FRMD4B: variants seen among roughly 807,000 people sequenced by gnomAD.
FRMD4B encodes the protein FERM domain-containing protein 4B.
A neutral mutation model predicts 141.5 loss-of-function variants in FRMD4B; 74 were observed. The ratio of observed to expected loss-of-function variants is 0.52; its 90% CI spans 0.43 to 0.63. The LOEUF (loss-of-function observed/expected upper bound fraction) is 0.63. Among genes scored for constraint, FRMD4B ranks in the 30% least tolerant of loss-of-function variants. The pLI is 0.00. For synonymous variants in FRMD4B, 506 were observed against 467.9 expected (o/e 1.08, Z -1.05); for missense variants, 1,366 against 1,253.4 (o/e 1.09, Z -1.36).
chr3:69,232,726 C>G (rs2093318165), intron 7 of FRMD4B, among the ~76,000 whole-genome samples: 1 of 152,096 alleles, frequency 6.6e-6, no homozygotes, highest in African/African-American at 2.4e-5. Context: ...AACAATCAGC[C>G]ACCTGCTATC....
intron 7 of FRMD4B, among the ~76,000 whole-genome samples, chr3:69,241,439 A>T (rs549638714): frequency 1.3e-5 from 2 of 152,226 alleles, no homozygotes; most frequent in Non-Finnish European, 2.9e-5. Flanking sequence ...CAAGTATTGT[A>T]GAGAGGAAAA....
chr3:69,462,910 T>C (rs531020427), intron 1 of FRMD4B, among the ~76,000 whole-genome samples: 2 of 152,342 alleles, frequency 1.3e-5, no homozygotes, highest in South Asian at 4.1e-4. Flanking sequence ...GACCATGTAG[T>C]CAGCTTGTCA....
intron 1 of FRMD4B, among the ~76,000 whole-genome samples, chr3:69,452,459 T>A (rs1172236775): frequency 1.3e-5 from 2 of 152,376 alleles, no homozygotes; most frequent in East Asian, 3.9e-4. Flanking sequence ...TCCTTATCTG[T>A]GAAACAAAGC....
chr3:69,478,141 C>T (rs899403604), intron 1 of FRMD4B, among the ~76,000 whole-genome samples: 48 of 152,058 alleles, frequency 3.2e-4, no homozygotes, highest in African/African-American at 7.2e-5. Flanking sequence ...TCTGTTGATC[C>T]TTTCAAAAAA....
Position 69,196,636 on chromosome 3 carries a change from T to C in FRMD4B, c.1093-240A>G, listed in dbSNP as rs59943287. 7.4e-3 allele frequency: 4,279 copies of C among 577,512 alleles called. 133 individuals are homozygous for C. Among genetic ancestry groups the C allele is most frequent in the African/African-American group, 0.066 (3,480 of 52,578 alleles). 35.8% of individuals were successfully genotyped at this position (577,512 alleles called of 1,614,324 possible). A position where few individuals can be genotyped will look rare whatever the true frequency, so the allele number is the denominator to read the frequency against. On this transcript the variant is annotated intron_variant, in intron 13 of 22. Transcript: ENST00000398540. ...TGGTTCAGTTACTAACTTTGAAGTG[T>C]CACCGGCAACATCACCGCCAGCAGT...
intron 1 of FRMD4B, among the ~76,000 whole-genome samples, chr3:69,457,178 C>T (rs1705632660): frequency 6.6e-6 from 1 of 152,106 alleles, no homozygotes; most frequent in Admixed American, 6.6e-5. Context: ...ATTATTTATT[C>T]ATGTTTACCA....
At chr3:69,241,834 A>C (rs2093386509) in intron 7 of FRMD4B, among the ~76,000 whole-genome samples, 1 of 152,086 alleles carries the variant, frequency 6.6e-6, no homozygotes, top group African/African-American at 2.4e-5. Flanking sequence ...GCACCACTGC[A>C]CTCCAGCCTG....
chr3:69,395,653 C>T (rs1215574574), intron 2 of FRMD4B, among the ~76,000 whole-genome samples: 2 of 152,146 alleles, frequency 1.3e-5, no homozygotes, highest in Non-Finnish European at 2.9e-5. Flanking sequence ...GAAAGTATAT[C>T]TTGTATCTTG....
chr3:69,372,358 T>C (rs957227043), intron 1 of FRMD4B, among the ~76,000 whole-genome samples: 2 of 152,158 alleles, frequency 1.3e-5, no homozygotes, highest in Non-Finnish European at 2.9e-5. Flanking sequence ...TATTGCTCAA[T>C]AAAAAGTGCT....
chr3:69,400,703 C>G (rs1704549585), intron 2 of FRMD4B, among the ~76,000 whole-genome samples: 1 of 152,194 alleles, frequency 6.6e-6, no homozygotes, highest in African/African-American at 2.4e-5. Flanking sequence ...ACTTACCTTA[C>G]TCTTAATTTG....
chr3:69,451,753 A>G (rs1705503158), intron 1 of FRMD4B, among the ~76,000 whole-genome samples: 1 of 152,140 alleles, frequency 6.6e-6, no homozygotes, highest in African/African-American at 2.4e-5. Context: ...TCACTTCCAT[A>G]ATGAAAAAAT....
At chr3:69,522,823 C>G (rs2107134568) in intron 1 of FRMD4B, among the ~76,000 whole-genome samples, 1 of 152,242 alleles carries the variant, frequency 6.6e-6, no homozygotes, top group South Asian at 2.1e-4. Flanking sequence ...ATGTTGCTTA[C>G]AGACTTTGAC....
intron 11 of FRMD4B, among the ~76,000 whole-genome samples, chr3:69,215,794 T>G (rs376380116): frequency 2.6e-5 from 4 of 152,354 alleles, no homozygotes; most frequent in Non-Finnish European, 2.9e-5. Context: ...CAAATATGTA[T>G]ATGCATAAAT....
At chr3:69,256,480 C>T (rs555939567) in intron 5 of FRMD4B, among the ~76,000 whole-genome samples, 1 of 152,270 alleles carries the variant, frequency 6.6e-6, no homozygotes, top group East Asian at 1.9e-4. Context: ...CTACCACACC[C>T]AGTTGATTTT....
intron 4 of FRMD4B, 58 bp from the exon 5 acceptor site, chr3:69,287,894 T>C: frequency 1.3e-6 from 1 of 753,228 alleles, no homozygotes; most frequent in Non-Finnish European, 2.2e-6. Flanking sequence ...TCAGCATTCC[T>C]CATTCAGTGT....
At chr3:69,287,511 A>G in intron 5 of FRMD4B, 1 of 494,446 alleles carries the variant, frequency 2.0e-6, no homozygotes, top group Non-Finnish European at 3.6e-6. Flanking sequence ...GCTGGATTTA[A>G]AGTAGTAGTG....
At chr3:69,351,853 G>A (rs1191778823) in intron 1 of FRMD4B, among the ~76,000 whole-genome samples, 2 of 152,178 alleles carry the variant, frequency 1.3e-5, no homozygotes, top group African/African-American at 4.8e-5. Context: ...TGACTTACAA[G>A]GTTTCTTCTG....
intron 7 of FRMD4B, among the ~76,000 whole-genome samples, chr3:69,239,719 G>A (rs953555444): frequency 6.6e-6 from 1 of 152,074 alleles, no homozygotes; most frequent in African/African-American, 2.4e-5. Flanking sequence ...TGGGTGCAGA[G>A]TTTCTGTTTT....
chr3:69,202,353 T>C (rs1575604954), intron 11 of FRMD4B, among the ~76,000 whole-genome samples: 1 of 152,134 alleles, frequency 6.6e-6, no homozygotes, highest in Non-Finnish European at 1.5e-5. Context: ...GGTAGGACTA[T>C]GACATATATG....
Sources: allele counts gnomAD v4.1 joint callset (sites outside exome capture counted in the v4.1 genomes callset), GRCh38; gene constraint gnomAD v4.1.1; transcripts MANE v1.5; gene names NCBI Gene and HGNC (gene_info 2026-07-23, HGNC 2026-07-21).